C6orf163: variants seen among roughly 807,000 people sequenced by gnomAD.
C6orf163 encodes uncharacterized protein C6orf163.
A neutral mutation model predicts 28.4 loss-of-function variants in C6orf163; 22 were observed. That is an observed-to-expected ratio of 0.78 (90% CI 0.55 to 1.11). The LOEUF is 1.11. Ranked by LOEUF, C6orf163 falls within the 50% of genes least tolerant of loss-of-function variation. The pLI is 0.00. For synonymous variants in C6orf163, 110 were observed against 123.6 expected (o/e 0.89, Z 0.73); for missense variants, 342 against 389.1 (o/e 0.88, Z 1.02).
chr6:87,363,989 A>G (rs557682418), intron 4 of C6orf163, among the ~76,000 whole-genome samples: 1 of 119,360 alleles, frequency 8.4e-6, no homozygotes, highest in Non-Finnish European at 1.9e-5. Flanking sequence ...AGAGTTGTGC[A>G]AAAAAAAAAT....
chr6:87,359,227 G>A (rs7745625), intron 4 of C6orf163: 16,391 of 152,306 alleles, frequency 0.11, 924 homozygotes, highest in East Asian at 0.13. Flanking sequence ...GAAGTTAGTC[G>A]TGGGTTGGGC....
intron 3 of C6orf163, 133 bp from the exon 4 acceptor site, chr6:87,356,165 CTCT>C (rs2127933524): frequency 2.7e-6 from 2 of 738,162 alleles, no homozygotes; most frequent in South Asian, 1.9e-5. Context: ...ATCATACACA[CTCT>C]TCTTTTAAAT....
intron 3 of C6orf163, among the ~76,000 whole-genome samples, chr6:87,351,829 A>G (rs1777417208): frequency 6.6e-6 from 1 of 152,180 alleles, no homozygotes; most frequent in Admixed American, 6.5e-5. Context: ...TGGCTTGGCA[A>G]GGGGCTCTAG....
At chr6:87,346,282 A>C (rs1777322750) in intron 1 of C6orf163, among the ~76,000 whole-genome samples, 1 of 152,154 alleles carries the variant, frequency 6.6e-6, no homozygotes, top group Non-Finnish European at 1.5e-5. Context: ...GGAAAAAAAA[A>C]CTAAAATGTA....
intron 1 of C6orf163, among the ~76,000 whole-genome samples, chr6:87,347,168 C>T (rs1441451324): frequency 1.3e-5 from 2 of 152,212 alleles, no homozygotes; most frequent in East Asian, 3.9e-4. Context: ...CTAATCTGTT[C>T]TCTATCACTA....
In C6orf163 at chr6:87,365,293, C is replaced by T. The variant is rs766914244; in HGVS notation, c.887C>T (p.Thr296Ile). ...RMAFQKYINY[T>I]FPKLSPGHAD... is the part of the protein sequence containing the mutation. ...GCATTTCAAAAATACATCAATTATA[C>T]CTTTCCTAAGCTTTCACCAGGACAT... The change falls in exon 5 of 5, where the codon ACC becomes ATC. Residue 296 changes from threonine to isoleucine, a missense_variant. Thr to Ile is a moderately conservative substitution (Grantham distance 89, BLOSUM62 -1). Coordinates refer to ENST00000388923, the MANE Select transcript of C6orf163 (RefSeq NM_001010868.3). The T allele has an allele frequency of 3.2e-6, 5 of 1,551,398 alleles. No individual in the cohort carries two copies. The highest frequency in any genetic ancestry group is 1.4e-5 in the African/African-American group (1 of 73,020).
intron 3 of C6orf163, 65 bp downstream of exon 3, chr6:87,350,566 A>T: frequency 1.1e-6 from 1 of 930,868 alleles, no homozygotes; most frequent in Non-Finnish European, 1.6e-6. Flanking sequence ...AAAAGTTGGC[A>T]AGGGAATGAG....
chr6:87,345,800 C>T (rs1243131327), intron 1 of C6orf163, among the ~76,000 whole-genome samples: 1 of 151,314 alleles, frequency 6.6e-6, no homozygotes, highest in Non-Finnish European at 1.5e-5. Flanking sequence ...GCCTGTAATC[C>T]CAGCTACTCG....
chr6:87,352,432 C>G (rs1052330560), intron 3 of C6orf163, among the ~76,000 whole-genome samples: 14 of 152,050 alleles, frequency 9.2e-5, no homozygotes, highest in Non-Finnish European at 1.6e-4. Flanking sequence ...CCTCTAGAAC[C>G]AAATATTAAA....
intron 4 of C6orf163, chr6:87,358,605 CAAAAA>C (rs111758511): frequency 8.9e-6 from 1 of 112,962 alleles, no homozygotes; most frequent in Non-Finnish European, 2.0e-5. Context: ...AGACTTGTCT[CAAAAA>C]AAAAAAAAAT....
At chr6:87,345,564 T>A (rs1035037762) in intron 1 of C6orf163, among the ~76,000 whole-genome samples, 1 of 152,176 alleles carries the variant, frequency 6.6e-6, no homozygotes, top group African/African-American at 2.4e-5. Flanking sequence ...GTGAGTTCAT[T>A]TTGCCCTTGG....
chr6:87,348,678 T>G, intron 1 of C6orf163, 134 bp from the exon 2 acceptor site: 1 of 1,418,358 alleles, frequency 7.1e-7, no homozygotes, highest in African/African-American at 1.4e-5. Flanking sequence ...TGGGTATCTT[T>G]GAAATATATA....
chr6:87,345,790 G>A (rs551238451), intron 1 of C6orf163, among the ~76,000 whole-genome samples: 35 of 151,776 alleles, frequency 2.3e-4, no homozygotes, highest in African/African-American at 5.1e-4. Context: ...GGTGGCATGC[G>A]CCTGTAATCC....
chr6:87,351,114 C>T (rs1164284994), intron 3 of C6orf163, among the ~76,000 whole-genome samples: 1 of 152,214 alleles, frequency 6.6e-6, no homozygotes, highest in Non-Finnish European at 1.5e-5. Flanking sequence ...AAGTACATGA[C>T]TCTAGGTAAC....
intron 4 of C6orf163, 103 bp downstream of exon 4, chr6:87,356,606 T>A: frequency 9.5e-7 from 1 of 1,050,332 alleles, no homozygotes. Flanking sequence ...GCCCAGTTTT[T>A]GTGTTTTTAC....
At position 87,345,156 on chromosome 6, in the gene C6orf163, A is replaced by G. The variant is rs1467024056; in HGVS notation, c.57A>G (p.Ile19Met). 2 of 1,536,620 alleles carry G rather than the reference A, an allele frequency of 1.3e-6. No individual in the cohort carries two copies. Among genetic ancestry groups the G allele is most frequent in the African/African-American group, 2.7e-5 (2 of 73,126 alleles). The part of the protein sequence containing the change: ...NFVCCAVCNK[I>M]IPPAPFGKTF... ...TTTGCTGTGCTGTTTGTAATAAAATAATTCCACCAGCCCCTTTTGGAAAAA... is the reference window on the plus strand; with the variant it reads ...TTTGCTGTGCTGTTTGTAATAAAATGATTCCACCAGCCCCTTTTGGAAAAA... Residue 19 changes from isoleucine (I) to methionine (M), a missense_variant, in exon 1 of 5, where the codon ATA (isoleucine) becomes ATG (methionine). Ile to Met is a conservative substitution (Grantham distance 10, BLOSUM62 1). Coordinates refer to ENST00000388923, the MANE Select transcript of C6orf163 (RefSeq NM_001010868.3).
chr6:87,350,156 CGAT>C (rs1445710271), intron 2 of C6orf163, among the ~76,000 whole-genome samples: 2 of 152,176 alleles, frequency 1.3e-5, no homozygotes, highest in African/African-American at 4.8e-5. Context: ...TTGCCTTTAG[CGAT>C]TCCAAAAACA....
At position 87,350,364 on chromosome 6, in the gene C6orf163, T is replaced by G. The variant is rs1022271193; in HGVS notation, c.244-30T>G. ...TTTGCTTGTGCTTATTCTGATACATTAATAGATAAATGGACTCTTTCTTTC... is the reference window on the plus strand; with the variant it reads ...TTTGCTTGTGCTTATTCTGATACATGAATAGATAAATGGACTCTTTCTTTC... On this transcript the variant is annotated intron_variant, in intron 2 of 4. Coordinates refer to ENST00000388923, the MANE Select transcript of C6orf163 (RefSeq NM_001010868.3). 2.2e-6 allele frequency: 3 copies of G among 1,349,824 alleles called. No individual in the cohort carries two copies. In the East Asian group the frequency reaches 7.5e-5, roughly 34 times the overall value. The allele number at this position is 1,349,824 out of a possible 1,614,324, so 83.6% of individuals were successfully genotyped here.
At chr6:87,354,669 C>A (rs980178845) in intron 3 of C6orf163, among the ~76,000 whole-genome samples, 8 of 152,156 alleles carry the variant, frequency 5.3e-5, no homozygotes, top group African/African-American at 1.7e-4. Flanking sequence ...TGAACTGAGG[C>A]CACTTGGAGA....
Sources: gnomAD v4.1 joint callset for allele counts (sites outside exome capture counted in the v4.1 genomes callset) on GRCh38, gnomAD v4.1.1 for gene constraint, MANE v1.5 for transcripts, NCBI Gene and HGNC (gene_info 2026-07-23, HGNC 2026-07-21) for gene names.